DNAJC3: variants seen among roughly 807,000 people sequenced by gnomAD.
DNAJC3 encodes dnaJ homolog subfamily C member 3.
A neutral mutation model predicts 68.6 loss-of-function variants in DNAJC3; 38 were observed. The observed-to-expected ratio is 0.55, with a 90% confidence interval of 0.43 to 0.73. The LOEUF is 0.73. Among genes scored for constraint, DNAJC3 ranks in the 30% least tolerant of loss-of-function variants. The probability of loss-of-function intolerance (pLI) is 0.00; values close to 1 mark genes in which losing one functional copy is unlikely to be tolerated. For missense variants in DNAJC3, 526 were observed against 591.9 expected, an observed-to-expected ratio of 0.89 and a Z score of 1.16; for synonymous variants, 203 against 204.0, an observed-to-expected ratio of 1.00 and a Z score of 0.04.
chr13:95,790,373 A>C (rs946639855), intron 11 of DNAJC3, among the ~76,000 whole-genome samples: 1 of 152,114 alleles, frequency 6.6e-6, no homozygotes, highest in Non-Finnish European at 1.5e-5. Context: ...TGGGAGGGAA[A>C]GGTGAACCTC....
In DNAJC3 at chr13:95,792,335, CT is replaced by C. The variant is rs1489481742; in HGVS notation, c.*1306del. ...TTGAATATTTATGGCACTCTTGATG[CT>C]GCATTTGAAAGCTGAAGGAATTACT... On this transcript the variant is annotated 3_prime_UTR_variant, in exon 12 of 12. Coordinates refer to ENST00000602402, the MANE Select transcript of DNAJC3 (RefSeq NM_006260.5). 3.3e-5 allele frequency: 5 copies of C among 152,192 alleles called. No homozygotes were observed. The highest frequency in any genetic ancestry group is 5.9e-5 in the Non-Finnish European group (4 of 68,030). The allele number at this position is 152,192 out of a possible 1,614,324, so 9.4% of individuals were successfully genotyped here.
intron 11 of DNAJC3, among the ~76,000 whole-genome samples, chr13:95,790,650 A>G (rs183141598): frequency 5.3e-5 from 7 of 131,648 alleles, no homozygotes; most frequent in East Asian, 3.9e-4. Context: ...ATAAATACCT[A>G]TTATCAACCC....
At chr13:95,759,338 GTC>G (rs1320699054) in intron 5 of DNAJC3, among the ~76,000 whole-genome samples, 29 of 152,232 alleles carry the variant, frequency 1.9e-4, no homozygotes, top group African/African-American at 6.7e-4. Context: ...TAGAGACTGG[GTC>G]TCTCTCTGTT....
At chr13:95,704,032 C>G (rs1880650679) in intron 1 of DNAJC3, among the ~76,000 whole-genome samples, 1 of 152,128 alleles carries the variant, frequency 6.6e-6, no homozygotes. Flanking sequence ...CTTGTTTGCC[C>G]TTGGTAATTC....
At chr13:95,786,906 T>C in intron 10 of DNAJC3, 101 bp from the exon 11 acceptor site, 1 of 1,400,460 alleles carries the variant, frequency 7.1e-7, no homozygotes, top group Non-Finnish European at 9.7e-7. Flanking sequence ...ATAAAACCAG[T>C]TTTGTTAATT....
intron 9 of DNAJC3, among the ~76,000 whole-genome samples, chr13:95,781,423 G>A (rs1257771040): frequency 1.3e-5 from 2 of 152,086 alleles, no homozygotes; most frequent in African/African-American, 4.8e-5. Flanking sequence ...GTGTGTGCTT[G>A]CATTGTGGTT....
In DNAJC3 at chr13:95,743,672, C is replaced by G. The variant is rs1428542876; in HGVS notation, c.394-13972C>G. On this transcript the variant is annotated intron_variant, in intron 4 of 11. Coordinates refer to ENST00000602402, the MANE Select transcript of DNAJC3 (RefSeq NM_006260.5). ...TCCTGGGTTCAAGCAATTCTCCTGT[C>G]TCAGTCTCCCTAGTGGCTGGGATCA... is the stretch of plus-strand genomic sequence containing the variant. Among the ~76,000 whole-genome samples the G allele has an allele frequency of 1.3e-5, 2 of 152,140 alleles. 1 individual carries two copies. Among genetic ancestry groups the G allele is most frequent in the Middle Eastern group, 6.3e-3 (2 of 316 alleles).
chr13:95,776,665 T>C (rs964716880), intron 9 of DNAJC3, among the ~76,000 whole-genome samples: 2 of 152,236 alleles, frequency 1.3e-5, no homozygotes, highest in African/African-American at 4.8e-5. Flanking sequence ...AAAATAGTTT[T>C]ATTAACACTA....
At chr13:95,779,101 T>C (rs1247299772) in intron 9 of DNAJC3, among the ~76,000 whole-genome samples, 1 of 150,396 alleles carries the variant, frequency 6.6e-6, no homozygotes, top group Non-Finnish European at 1.5e-5. Flanking sequence ...ATTTATAATC[T>C]TTGATATTTT....
chr13:95,739,867 CT>C (rs1882064980), intron 4 of DNAJC3, among the ~76,000 whole-genome samples: 1 of 152,226 alleles, frequency 6.6e-6, no homozygotes, highest in Non-Finnish European at 1.5e-5. Context: ...AACTGCGTTC[CT>C]TTAGAGGAGG....
At chr13:95,711,668 A>G (rs1010379036) in intron 2 of DNAJC3, among the ~76,000 whole-genome samples, 7 of 152,232 alleles carry the variant, frequency 4.6e-5, no homozygotes, top group African/African-American at 1.7e-4. Flanking sequence ...AAAAATATCA[A>G]TTTTAAATGG....
intron 1 of DNAJC3, chr13:95,695,803 C>T (rs1299610967): frequency 6.6e-6 from 1 of 152,220 alleles, no homozygotes; most frequent in African/African-American, 2.4e-5. Context: ...TCCCGCTTCA[C>T]CGTCAACACT....
chr13:95,740,600 T>C (rs988145554), intron 4 of DNAJC3, among the ~76,000 whole-genome samples: 5 of 152,182 alleles, frequency 3.3e-5, no homozygotes, highest in Admixed American at 2.0e-4. Flanking sequence ...ACCCCTTTCT[T>C]TGACTCAGAA....
chr13:95,764,667 TATATATATATATATATACACAC>T (rs1882926848), intron 9 of DNAJC3, among the ~76,000 whole-genome samples: 1 of 123,900 alleles, frequency 8.1e-6, no homozygotes, highest in African/African-American at 3.3e-5. Context: ...TATATATATA[TATATATATATATATATACACAC>T]ACACACATAT....
chr13:95,735,839 G>A (rs1168885577), intron 4 of DNAJC3, among the ~76,000 whole-genome samples: 1 of 152,142 alleles, frequency 6.6e-6, no homozygotes, highest in African/African-American at 2.4e-5. Flanking sequence ...GATCCCATTT[G>A]TCAATTTTGT....
At chr13:95,688,307 C>T (rs576506921) in intron 1 of DNAJC3, among the ~76,000 whole-genome samples, 1 of 151,658 alleles carries the variant, frequency 6.6e-6, no homozygotes, top group Non-Finnish European at 1.5e-5. Context: ...ACTTCCAGTA[C>T]TGTGGCAAAT....
intron 1 of DNAJC3, among the ~76,000 whole-genome samples, chr13:95,705,646 C>T (rs1318659396): frequency 9.9e-5 from 15 of 151,976 alleles, no homozygotes; most frequent in East Asian, 1.9e-4. Context: ...TTCCTCCTGC[C>T]TCAGCCCCCC....
At chr13:95,740,934 A>G (rs1882121762) in intron 4 of DNAJC3, among the ~76,000 whole-genome samples, 2 of 152,200 alleles carry the variant, frequency 1.3e-5, no homozygotes, top group South Asian at 4.1e-4. Context: ...TCTCTTTTAT[A>G]CATTTTTCAT....
intron 9 of DNAJC3, among the ~76,000 whole-genome samples, chr13:95,773,446 C>T (rs2139686077): frequency 6.6e-6 from 1 of 152,172 alleles, no homozygotes; most frequent in Middle Eastern, 3.4e-3. Flanking sequence ...GCTGGGACTA[C>T]AGGCGTTAAG....
Sources: allele counts gnomAD v4.1 joint callset (sites outside exome capture counted in the v4.1 genomes callset), GRCh38; gene constraint gnomAD v4.1.1; transcripts MANE v1.5; gene names NCBI Gene and HGNC (gene_info 2026-07-23, HGNC 2026-07-21).